The following ZNF518B variants were observed in gnomAD, a reference collection of about 807,000 sequenced individuals.
The protein encoded by ZNF518B is zinc finger protein 518B.
In ZNF518B, 23 loss-of-function variants were observed where a neutral mutation model predicts 56.3. That is an observed-to-expected ratio of 0.41 (90% CI 0.29 to 0.58). ZNF518B has a LOEUF of 0.58. Ranked by LOEUF, ZNF518B falls within the 20% of genes least tolerant of loss-of-function variation. ZNF518B has a pLI of 0.32. For missense variants in ZNF518B, 1,460 were observed against 1,272.1 expected, an observed-to-expected ratio of 1.15 and a Z score of -2.25; for synonymous variants, 529 against 465.9, an observed-to-expected ratio of 1.14 and a Z score of -1.74.
rs1364764612 is a variant in ZNF518B, at chr4:10,454,962, C to T, written c.-369G>A. 2.0e-5 allele frequency: 3 copies of T among 152,202 alleles called. No individual in the cohort carries two copies. The highest frequency in any genetic ancestry group is 4.8e-5 in the African/African-American group (2 of 41,432). 9.4% of individuals were successfully genotyped at this position (152,202 alleles called of 1,614,324 possible). ...TAGGCTTCTACATCAGAACCCTGGGCGTCAGCAAGGCGCTGCACAAAGAGG... is the reference window on the plus strand; with the variant it reads ...TAGGCTTCTACATCAGAACCCTGGGTGTCAGCAAGGCGCTGCACAAAGAGG... On this transcript the variant is annotated 5_prime_UTR_variant, in exon 2 of 3. Transcript: ENST00000326756.
chr4:10,458,637 G>C (rs1715644990), upstream of ZNF518B, among the ~76,000 whole-genome samples: 1 of 152,178 alleles, frequency 6.6e-6, no homozygotes, highest in African/African-American at 2.4e-5. Context: ...GAGCTGCTAG[G>C]GTCCTGGTTT....
rs147759499 is a variant in ZNF518B at position 10,443,541 on chromosome 4, G to C, written c.2788C>G (p.Pro930Ala). ...ARQLRLIAAK[P>A]DQLIKCPRRN... Reference sequence around the variant, plus strand: ...CGGGGACACTTAATCAACTGATCTGGCTTAGCTGCTATCAGTCTTAGTTGC... The same window carrying C: ...CGGGGACACTTAATCAACTGATCTGCCTTAGCTGCTATCAGTCTTAGTTGC... The change falls in exon 3 of 3, where the codon CCA (proline) becomes GCA (alanine). Residue 930 changes from proline (P) to alanine (A), a missense_variant. Pro to Ala is a conservative substitution (Grantham distance 27). Transcript: ENST00000326756. 5 of 1,614,118 alleles carry C rather than the reference G, an allele frequency of 3.1e-6. No homozygotes were observed. The highest frequency in any genetic ancestry group is 4.2e-6 in the Non-Finnish European group (5 of 1,179,972).
upstream of ZNF518B, among the ~76,000 whole-genome samples, chr4:10,459,612 C>T (rs1715680064): frequency 6.6e-6 from 1 of 152,094 alleles, no homozygotes; most frequent in Non-Finnish European, 1.5e-5. Context: ...TGAATGGTGT[C>T]CTTACAAGGG....
rs752835515 is a variant in ZNF518B, at chr4:10,444,728, G to A, written c.1601C>T (p.Pro534Leu). 4 of 1,614,188 alleles carry A rather than the reference G, an allele frequency of 2.5e-6. No individual in the cohort carries two copies. The highest frequency in any genetic ancestry group is 2.5e-6 in the Non-Finnish European group (3 of 1,180,018). The change falls in exon 3 of 3, where the codon CCT becomes CTT. Residue 534 changes from proline to leucine, a missense_variant. Physicochemically the swap from Pro to Leu is moderately conservative, Grantham distance 98. Coordinates refer to ENST00000326756, the MANE Select transcript of ZNF518B (RefSeq NM_053042.3). ...TTCTCCAGAGAAGGAACAGGTTGCA[G>A]GTGATGCAGCAAATGGGAGTAACTG... ...SQQLLPFAASPATCSFSGEKG... is the reference protein window; with the variant it reads ...SQQLLPFAASLATCSFSGEKG...
upstream of ZNF518B, among the ~76,000 whole-genome samples, chr4:10,461,341 C>A (rs773336471): frequency 6.6e-6 from 1 of 152,320 alleles, no homozygotes; most frequent in African/African-American, 2.4e-5. Flanking sequence ...CCGCGGCTGC[C>A]GCGGAAGCGC....
At position 10,443,915 on chromosome 4, in the gene ZNF518B, C is replaced by A; in HGVS notation, c.2414G>T (p.Arg805Ile). 1.2e-6 allele frequency: 2 copies of A among 1,614,164 alleles called. No homozygotes were observed. The highest frequency in any genetic ancestry group is 1.7e-6 in the Non-Finnish European group (2 of 1,180,036). The part of the protein sequence containing the change: ...EAPVSIPCSE[R>I]QLIKPVPFCP... ...AAATGGAACTGGTTTTATTAACTGTCTTTCACTGCAAGGTATGCTGACAGG... is the reference window on the plus strand; with the variant it reads ...AAATGGAACTGGTTTTATTAACTGTATTTCACTGCAAGGTATGCTGACAGG... Residue 805 changes from arginine (R) to isoleucine (I), a missense_variant, in exon 3 of 3, where the codon AGA becomes ATA. Physicochemically the swap from Arg to Ile is moderately conservative, Grantham distance 97. Coordinates refer to ENST00000326756, the MANE Select transcript of ZNF518B (RefSeq NM_053042.3).
chr4:10,453,798 G>A (rs1158558734), intron 2 of ZNF518B: 1 of 152,152 alleles, frequency 6.6e-6, no homozygotes, highest in Non-Finnish European at 1.5e-5. Flanking sequence ...GTATAATCAA[G>A]CACAGAAAAA....
At chr4:10,449,646 C>A (rs185641711) in intron 2 of ZNF518B, among the ~76,000 whole-genome samples, 1 of 152,336 alleles carries the variant, frequency 6.6e-6, no homozygotes, top group African/African-American at 2.4e-5. Flanking sequence ...GTTCTCAATT[C>A]TCTTCCAAAG....
At position 10,446,627 on chromosome 4, in the gene ZNF518B, G is replaced by C. The variant is rs890854399; in HGVS notation, c.-211-88C>G. The C allele has an allele frequency of 7.2e-5, 20 of 277,946 alleles. No homozygotes were observed. In the East Asian group the frequency reaches 1.1e-3, roughly 15 times the overall value. The allele number at this position is 277,946 out of a possible 1,614,324, so 17.2% of individuals were successfully genotyped here. ...CTTATCCTATATTTTAATGGCCTTG[G>C]ACATTTTATGGTAAATCTCAACGTA... On this transcript the variant is annotated intron_variant, in intron 2 of 2. Coordinates refer to ENST00000326756, the MANE Select transcript of ZNF518B (RefSeq NM_053042.3).
In ZNF518B at chr4:10,443,015, A is replaced by T; in HGVS notation, c.*89T>A. Reference sequence around the variant, plus strand: ...GAATTAGCAGTCCTCTCATTTCTACAGTCTGTATTTCTTCTACTGAATCTT... The same window carrying T: ...GAATTAGCAGTCCTCTCATTTCTACTGTCTGTATTTCTTCTACTGAATCTT... On this transcript the variant is annotated 3_prime_UTR_variant, in exon 3 of 3. Coordinates refer to ENST00000326756, the MANE Select transcript of ZNF518B (RefSeq NM_053042.3). 8.6e-7 allele frequency: 1 copy of T among 1,159,512 alleles called. No individual in the cohort carries two copies. The highest frequency in any genetic ancestry group is 2.4e-5 in the East Asian group (1 of 42,156). The allele number at this position is 1,159,512 out of a possible 1,614,324, so 71.8% of individuals were successfully genotyped here.
rs1042627755 is a variant in ZNF518B, at chr4:10,445,288, C to G, written c.1041G>C (p.Leu347Phe). ...LVVPANCLAQ[L>F]IDVKVVNGTQ... Reference sequence around the variant, plus strand: ...TACCATTGACAACCTTCACATCTATCAACTGGGCTAAACAGTTTGCAGGGA... The same window carrying G: ...TACCATTGACAACCTTCACATCTATGAACTGGGCTAAACAGTTTGCAGGGA... The change falls in exon 3 of 3, where the codon TTG (leucine) becomes TTC (phenylalanine). Residue 347 changes from leucine to phenylalanine, a missense_variant. Transcript: ENST00000326756. 3.1e-6 allele frequency: 5 copies of G among 1,613,968 alleles called. No individual in the cohort carries two copies. Among genetic ancestry groups the G allele is most frequent in the Non-Finnish European group, 4.2e-6 (5 of 1,179,928 alleles).
intron 2 of ZNF518B, among the ~76,000 whole-genome samples, chr4:10,449,897 G>T (rs570689363): frequency 6.6e-6 from 1 of 152,280 alleles, no homozygotes; most frequent in African/African-American, 2.4e-5. Context: ...TCAGCCCCCA[G>T]GAGTCTTCAA....
Position 10,444,293 on chromosome 4 carries a change from G to T in ZNF518B, c.2036C>A (p.Pro679Gln), listed in dbSNP as rs764692335. The change falls in exon 3 of 3, where the codon CCG becomes CAG. Residue 679 changes from proline (P) to glutamine (Q), a missense_variant. Coordinates refer to ENST00000326756, the MANE Select transcript of ZNF518B (RefSeq NM_053042.3). ...TGCACTATTTGAAGCCAAAGATGAC[G>T]GCTTCCCACAGGACTCAATTAACTG... is the stretch of plus-strand genomic sequence containing the variant. ...IAQLIESCGK[P>Q]SSLASNSAHR... 3.1e-6 allele frequency: 5 copies of T among 1,614,010 alleles called. No individual in the cohort carries two copies. Among genetic ancestry groups the T allele is most frequent in the Admixed American group, 1.7e-5 (1 of 60,000 alleles).
rs1483405329 is a variant in ZNF518B at position 10,443,374 on chromosome 4, G to A, written c.2955C>T (p.Ile985=). Residue 985 remains isoleucine, a synonymous_variant, in exon 3 of 3, where the codon ATC becomes ATT. Transcript: ENST00000326756. ...LSERTRCQLG[I]RRHHVRLTYQ... ...AGGTCAGGCGTACATGATGCCGTCT[G>A]ATGCCTAGCTGACACCTAGTCCTCT... is the stretch of plus-strand genomic sequence containing the variant. 1.5e-5 allele frequency: 24 copies of A among 1,614,116 alleles called. No individual in the cohort carries two copies. Among genetic ancestry groups the A allele is most frequent in the Non-Finnish European group, 1.8e-5 (21 of 1,180,054 alleles).
At chr4:10,458,446 G>A (rs1212901957), upstream of ZNF518B, among the ~76,000 whole-genome samples, 1 of 152,216 alleles carries the variant, frequency 6.6e-6, no homozygotes, top group East Asian at 1.9e-4. Context: ...ATGTGGGCCT[G>A]GGCAGTACTG....
rs773826624 is a variant in ZNF518B at position 10,446,139 on chromosome 4, T to C, written c.190A>G (p.Lys64Glu). 1.4e-5 allele frequency: 23 copies of C among 1,614,120 alleles called. No individual in the cohort carries two copies. In the Admixed American group the frequency reaches 3.5e-4, roughly 25 times the overall value. ...MMTIATCAKC[K>E]SVHKISLQDL... ...TGAAGAGAGATCTTGTGAACACTTT[T>C]GCACTTTGCACATGTAGCAATGGTC... Residue 64 changes from lysine (K) to glutamate (E), a missense_variant, in exon 3 of 3, where the codon AAA (lysine) becomes GAA (glutamate). Physicochemically the swap from Lys to Glu is moderately conservative, Grantham distance 56 (BLOSUM62 1). Coordinates refer to ENST00000326756, the MANE Select transcript of ZNF518B (RefSeq NM_053042.3).
chr4:10,450,245 G>A (rs967686033), intron 2 of ZNF518B, among the ~76,000 whole-genome samples: 1 of 152,214 alleles, frequency 6.6e-6, no homozygotes, highest in African/African-American at 2.4e-5. Flanking sequence ...GGGAAGGCAG[G>A]ACATCTGGGC....
At chr4:10,447,939 G>A (rs1053518634) in intron 2 of ZNF518B, among the ~76,000 whole-genome samples, 44 of 152,104 alleles carry the variant, frequency 2.9e-4, no homozygotes, top group African/African-American at 9.4e-4. Flanking sequence ...GTGAGCCACC[G>A]CACCTGGCCA....
chr4:10,460,323 ACC>A (rs34031736), upstream of ZNF518B, among the ~76,000 whole-genome samples: 34,970 of 78,722 alleles, frequency 0.44, 10,548 homozygotes, highest in Admixed American at 0.49. Flanking sequence ...AAAAAAAAAA[ACC>A]AAAAAAAAAA....
Sources: gnomAD v4.1 joint callset for allele counts (sites outside exome capture counted in the v4.1 genomes callset) on GRCh38, gnomAD v4.1.1 for gene constraint, MANE v1.5 for transcripts, NCBI Gene and HGNC (gene_info 2026-07-23, HGNC 2026-07-21) for gene names.